The following MYO1D variants were observed in gnomAD, a reference collection of about 807,000 sequenced individuals.
MYO1D encodes the protein unconventional myosin-Id.
In MYO1D, 83 loss-of-function variants were observed where a neutral mutation model predicts 122.0. The ratio of observed to expected loss-of-function variants is 0.68; its 90% CI spans 0.57 to 0.82. MYO1D has a LOEUF of 0.82. MYO1D is among the 40% of genes least tolerant of loss of function. The pLI is 0.00. For missense variants in MYO1D, 1,157 were observed against 1,269.5 expected (o/e 0.91, Z 1.35); for synonymous variants, 464 against 446.9 (o/e 1.04, Z -0.48).
At chr17:32,771,397 G>A (rs2090111593) in intron 5 of MYO1D, among the ~76,000 whole-genome samples, 177 bp from the exon 6 acceptor site, 1 of 152,098 alleles carries the variant, frequency 6.6e-6, no homozygotes, top group African/African-American at 2.4e-5. Flanking sequence ...TGGCTTCAAT[G>A]TCATCAGTTA....
chr17:32,814,008 A>G (rs1598120379), intron 1 of MYO1D, among the ~76,000 whole-genome samples: 1 of 152,216 alleles, frequency 6.6e-6, no homozygotes, highest in East Asian at 1.9e-4. Flanking sequence ...AGGCAGCAAC[A>G]CTTTTTAGAA....
rs553209097 is a variant in MYO1D, at chr17:32,780,941, T to C, written c.96-157A>G. On this transcript the variant is annotated intron_variant, in intron 1 of 21. Transcript: ENST00000318217. The stretch of plus-strand genomic sequence containing the variant: ...CTCTGAGTTAACTTGTAGAGAATGT[T>C]TGAGGCTGTGCCCCTTCAGATGCCA... Among the ~76,000 whole-genome samples, 6 of 152,304 alleles carry C rather than the reference T, an allele frequency of 3.9e-5. No individual in the cohort carries two copies. The East Asian group carries it at 9.6e-4, about 24-fold the overall frequency.
chr17:32,703,416 A>G (rs968959632), intron 16 of MYO1D, among the ~76,000 whole-genome samples: 7 of 151,102 alleles, frequency 4.6e-5, no homozygotes. Flanking sequence ...CATTCTTAAC[A>G]TAACTTTATA....
intron 1 of MYO1D, among the ~76,000 whole-genome samples, chr17:32,853,504 T>G (rs1441219077): frequency 8.5e-5 from 13 of 152,344 alleles, no homozygotes; most frequent in Non-Finnish European, 1.5e-4. Context: ...CCAGAAATAG[T>G]TGGATGCATC....
chr17:32,663,686 T>A (rs76594001), intron 16 of MYO1D, among the ~76,000 whole-genome samples: 1 of 152,192 alleles, frequency 6.6e-6, no homozygotes. Context: ...CCTTGCCTAC[T>A]CTTCTTGCTT....
At chr17:32,557,405 G>A (rs568725203) in intron 21 of MYO1D, among the ~76,000 whole-genome samples, 5 of 152,212 alleles carry the variant, frequency 3.3e-5, no homozygotes, top group African/African-American at 1.2e-4. Flanking sequence ...CACTGTGCCC[G>A]GCCTAGTTCA....
chr17:32,656,048 T>G (rs191313130), intron 17 of MYO1D, among the ~76,000 whole-genome samples: 82 of 152,260 alleles, frequency 5.4e-4, no homozygotes, highest in African/African-American at 1.8e-3. Context: ...AACCTGTTCC[T>G]GATTGGGAAA....
intron 20 of MYO1D, among the ~76,000 whole-genome samples, chr17:32,625,679 A>G (rs2087918666): frequency 6.6e-6 from 1 of 151,964 alleles, no homozygotes; most frequent in East Asian, 1.9e-4. Context: ...CCTCCTGAGC[A>G]GCTGGGACTA....
chr17:32,862,592 T>C (rs963676079), intron 1 of MYO1D, among the ~76,000 whole-genome samples: 4 of 152,382 alleles, frequency 2.6e-5, no homozygotes, highest in South Asian at 4.1e-4. Flanking sequence ...ATACAGTTTT[T>C]ATGGATAATC....
intron 20 of MYO1D, among the ~76,000 whole-genome samples, chr17:32,624,041 T>TA (rs1054207835): frequency 1.3e-5 from 2 of 152,154 alleles, no homozygotes; most frequent in African/African-American, 2.4e-5. Context: ...ACGTAAGTGA[T>TA]AAAAAACTCT....
At chr17:32,560,585 T>TATATATA (rs2087115530) in intron 21 of MYO1D, among the ~76,000 whole-genome samples, 1 of 108,530 alleles carries the variant, frequency 9.2e-6, no homozygotes, top group Non-Finnish European at 2.0e-5. Flanking sequence ...ATAACTTTTA[T>TATATATA]ACCTAAAGTT....
rs1313414685 is a variant in MYO1D at position 32,745,247 on chromosome 17, G to A, written c.1577C>T (p.Thr526Ile). 1 of 1,545,630 alleles carries A rather than the reference G, an allele frequency of 6.5e-7. No homozygotes were observed. The highest frequency in any genetic ancestry group is 1.1e-5 in the South Asian group (1 of 87,744). The change falls in exon 13 of 22, where the codon ACT becomes ATT. Residue 526 changes from threonine (T) to isoleucine (I), a missense_variant. Physicochemically the swap from Thr to Ile is moderately conservative, Grantham distance 89. Transcript: ENST00000318217. Reference sequence around the variant, plus strand: ...AAGGCGCTTGAAATCTTGAAATAAAGTATCTTTATTTTTGTCAATAAAACC... The same window carrying A: ...AAGGCGCTTGAAATCTTGAAATAAAATATCTTTATTTTTGTCAATAAAACC... ...VIGFIDKNKD[T>I]LFQDFKRLMY... is the part of the protein sequence containing the mutation.
At chr17:32,737,377 T>C (rs1242655528) in intron 14 of MYO1D, among the ~76,000 whole-genome samples, 1 of 151,952 alleles carries the variant, frequency 6.6e-6, no homozygotes, top group Non-Finnish European at 1.5e-5. Flanking sequence ...TTTTTTTTTT[T>C]TGAGACAAGG....
intron 16 of MYO1D, among the ~76,000 whole-genome samples, chr17:32,680,056 C>T (rs2088888306): frequency 9.7e-6 from 1 of 103,332 alleles, no homozygotes; most frequent in South Asian, 3.8e-4. Context: ...ATTTGGCTCT[C>T]TGTTTGTCTG....
chr17:32,600,399 C>T (rs569764606), intron 21 of MYO1D, among the ~76,000 whole-genome samples: 7 of 152,316 alleles, frequency 4.6e-5, no homozygotes, highest in South Asian at 2.1e-4. Context: ...TCTCTAGCTA[C>T]GGAAGTCCTA....
intron 21 of MYO1D, among the ~76,000 whole-genome samples, chr17:32,576,625 C>T (rs546028910): frequency 1.3e-5 from 2 of 152,208 alleles, no homozygotes; most frequent in South Asian, 2.1e-4. Context: ...TTTACTACTG[C>T]CTCTTTTTAA....
At chr17:32,774,043 C>T (rs937631711) in intron 4 of MYO1D, among the ~76,000 whole-genome samples, 7 of 152,134 alleles carry the variant, frequency 4.6e-5, no homozygotes, top group Non-Finnish European at 1.0e-4. Flanking sequence ...GGTCCCAATT[C>T]TTCCTCAGCC....
chr17:32,700,580 T>G (rs893927566), intron 16 of MYO1D, among the ~76,000 whole-genome samples: 4 of 152,168 alleles, frequency 2.6e-5, no homozygotes, highest in Admixed American at 2.0e-4. Flanking sequence ...AAAGATAAAC[T>G]GATTGCCTCT....
Position 32,711,655 on chromosome 17 carries a change from A to G in MYO1D, c.2121+333T>C, listed in dbSNP as rs556441960. Among the ~76,000 whole-genome samples, 373 of 152,220 alleles carry G rather than the reference A, an allele frequency of 2.5e-3. 4 individuals are homozygous for G. Among genetic ancestry groups the G allele is most frequent in the African/African-American group, 6.8e-3 (282 of 41,548 alleles). ...AGTGAGACTCCGTCTCGGGGGGGAA[A>G]AAAAAAGTCCTTTATGCATTTAAGC... On this transcript the variant is annotated intron_variant, in intron 16 of 21. Coordinates refer to ENST00000318217, the MANE Select transcript of MYO1D (RefSeq NM_015194.3).
Sources: gnomAD v4.1 joint callset for allele counts (sites outside exome capture counted in the v4.1 genomes callset) on GRCh38, gnomAD v4.1.1 for gene constraint, MANE v1.5 for transcripts, NCBI Gene and HGNC (gene_info 2026-07-23, HGNC 2026-07-21) for gene names.